KALRN: variants seen among roughly 807,000 people sequenced by gnomAD.
KALRN encodes the protein kalirin RhoGEF kinase, also known as kalirin.
Under a neutral mutation model 353.7 loss-of-function variants are expected in KALRN, and 70 were observed. The observed-to-expected ratio is 0.20, with a 90% CI of 0.16 to 0.24. The LOEUF (loss-of-function observed/expected upper bound fraction) is 0.24, where lower values mean the gene tolerates loss of function less well. KALRN is among the 10% of genes least tolerant of loss of function. The probability of loss-of-function intolerance (pLI) is 1.00; values close to 1 mark genes in which losing one functional copy is unlikely to be tolerated. For synonymous variants in KALRN, 1,391 were observed against 1,434.8 expected (o/e 0.97, Z 0.69); for missense variants, 2,791 against 3,756.7 (o/e 0.74, Z 6.72).
At chr3:124,688,310 C>CAAAAAAA (rs59265829) in intron 51 of KALRN, among the ~76,000 whole-genome samples, 2 of 83,226 alleles carry the variant, frequency 2.4e-5, no homozygotes, top group Admixed American at 1.2e-4. Flanking sequence ...GAGACCCTGT[C>CAAAAAAA]AAAAAAAAAA....
intron 34 of KALRN, among the ~76,000 whole-genome samples, chr3:124,564,631 G>A (rs529197052): frequency 3.9e-5 from 6 of 152,310 alleles, no homozygotes; most frequent in South Asian, 2.1e-4. Context: ...AGTAAACCAT[G>A]CTTGCACCAC....
intron 34 of KALRN, among the ~76,000 whole-genome samples, chr3:124,587,022 G>T (rs938019995): frequency 6.6e-6 from 1 of 152,210 alleles, no homozygotes; most frequent in Non-Finnish European, 1.5e-5. Flanking sequence ...TTGAGCCTGA[G>T]TGCATGGCCC....
At chr3:124,220,213 T>A (rs6785436) in intron 1 of KALRN, among the ~76,000 whole-genome samples, 1 of 152,124 alleles carries the variant, frequency 6.6e-6, no homozygotes, top group East Asian at 1.9e-4. Context: ...AAAGTGCTGG[T>A]ATTACAGGTG....
At chr3:124,444,821 A>AAAAG (rs796224925) in intron 19 of KALRN, among the ~76,000 whole-genome samples, 3 of 151,752 alleles carry the variant, frequency 2.0e-5, no homozygotes, top group African/African-American at 4.8e-5. Flanking sequence ...AAGAACAAGA[A>AAAAG]AAAGAAAGAA....
intron 25 of KALRN, among the ~76,000 whole-genome samples, chr3:124,465,506 T>G (rs962576658): frequency 3.3e-5 from 5 of 152,232 alleles, no homozygotes; most frequent in Non-Finnish European, 7.3e-5. Context: ...CCATTAGGTA[T>G]GATTTTTTCC....
chr3:124,304,210 G>A (rs570907256), intron 6 of KALRN, among the ~76,000 whole-genome samples: 1 of 151,866 alleles, frequency 6.6e-6, no homozygotes, highest in Admixed American at 6.6e-5. Context: ...TAGCTGCAAA[G>A]TCCCTTAGTA....
At chr3:124,149,278 A>C (rs2067767558) in intron 1 of KALRN, among the ~76,000 whole-genome samples, 1 of 152,206 alleles carries the variant, frequency 6.6e-6, no homozygotes, top group Admixed American at 6.5e-5. Context: ...GTCTGCCCAG[A>C]TGAGTCTACC....
In KALRN at chr3:124,658,506, G is replaced by T. The variant is rs769887578; in HGVS notation, c.6112G>T (p.Ala2038Ser). Residue 2038 changes from alanine to serine, a missense_variant, in exon 42 of 60, where the codon GCC becomes TCC. This residue lies in a region of KALRN where 1,065 missense variants were observed against 1,156.4 expected (regional missense o/e 0.92). Coordinates refer to ENST00000682506, the MANE Select transcript of KALRN (RefSeq NM_001388419.1). ...AGAGTACATCGTTGCTGAGTATGAC[G>T]CCTACTTTGAGGTAAGCTGTGCAGG... is the stretch of plus-strand genomic sequence containing the variant. ...RSEYIVAEYD[A>S]YFEEVKQEIN... The T allele has an allele frequency of 2.5e-6, 4 of 1,613,720 alleles. No individual in the cohort carries two copies. Among genetic ancestry groups the T allele is most frequent in the Non-Finnish European group, 3.4e-6 (4 of 1,179,636 alleles).
At position 124,657,745 on chromosome 3, in the gene KALRN, C is replaced by T. The variant is rs138911697; in HGVS notation, c.5978C>T (p.Ala1993Val). ...CTTTCTCCTTTTAGTTTTTTCCTGG[C>T]GGAACTGGAAAAGTGTATCCAGGAG... ...IYDWHKDFFL[A>V]ELEKCIQEQD... The change falls in exon 41 of 60, where the codon GCG becomes GTG. Residue 1993 changes from alanine to valine, a missense_variant. Ala to Val is a moderately conservative substitution (Grantham distance 64, BLOSUM62 0). Around this residue, in one of 11 missense-constraint regions of KALRN, gnomAD observed 1,065 missense variants for 1,156.4 expected, o/e 0.92. Transcript: ENST00000682506. The T allele has an allele frequency of 7.9e-5, 127 of 1,612,870 alleles. No homozygotes were observed. In the African/African-American group the frequency reaches 1.3e-3, roughly 17 times the overall value.
chr3:124,564,053 A>C (rs945553963), intron 34 of KALRN, among the ~76,000 whole-genome samples: 2 of 150,584 alleles, frequency 1.3e-5, no homozygotes, highest in African/African-American at 4.9e-5. Flanking sequence ...CAAAATACAA[A>C]AATTAGCCGG....
intron 6 of KALRN, among the ~76,000 whole-genome samples, chr3:124,314,813 G>A (rs1342452983): frequency 7.2e-6 from 1 of 139,530 alleles, no homozygotes; most frequent in Non-Finnish European, 1.6e-5. Flanking sequence ...ATGCCACCAT[G>A]CTGGCTAATT....
chr3:124,355,699 T>C (rs2083310120), intron 10 of KALRN, among the ~76,000 whole-genome samples: 1 of 132,290 alleles, frequency 7.6e-6, no homozygotes. Flanking sequence ...CACCCTCAAC[T>C]CTCTCCCATC....
rs1477606343 is a variant in KALRN, at chr3:124,474,678, G to A, written c.4047G>A (p.Glu1349=). The A allele has an allele frequency of 6.2e-7, 1 of 1,614,066 alleles. No homozygotes were observed. Among genetic ancestry groups the A allele is most frequent in the African/African-American group, 1.3e-5 (1 of 75,030 alleles). The stretch of plus-strand genomic sequence containing the variant: ...CCTCTTGCAGCATCTTCCTCAAAGA[G>A]CTGGAGAAGTACGAGCAACTGCCTG... The part of the protein sequence containing the change: ...YDFHNNIFLK[E]LEKYEQLPED... The change falls in exon 26 of 60, where the codon GAG becomes GAA. Residue 1349 remains glutamate, a synonymous_variant. Coordinates refer to ENST00000682506, the MANE Select transcript of KALRN (RefSeq NM_001388419.1).
intron 1 of KALRN, among the ~76,000 whole-genome samples, chr3:124,077,898 T>G (rs1185964230): frequency 6.6e-6 from 1 of 152,204 alleles, no homozygotes; most frequent in Non-Finnish European, 1.5e-5. Context: ...TTATCAACTG[T>G]GACATCATGG....
rs556444652 is a variant in KALRN at position 124,609,462 on chromosome 3, C to T, written c.5183-22958C>T. Among the ~76,000 whole-genome samples, 3 of 152,320 alleles carry T rather than the reference C, an allele frequency of 2.0e-5. No individual in the cohort carries two copies. The East Asian group carries it at 5.8e-4, about 29-fold the overall frequency. On this transcript the variant is annotated intron_variant, in intron 34 of 59. Transcript: ENST00000682506. ...CATGTGTTCATGCTTGCCAGACACA[C>T]CTATGAGTGTATACATGTATTTGCA...
At chr3:124,517,764 C>T (rs2066783849) in intron 33 of KALRN, among the ~76,000 whole-genome samples, 1 of 152,138 alleles carries the variant, frequency 6.6e-6, no homozygotes, top group South Asian at 2.1e-4. Flanking sequence ...TACAGATTGT[C>T]ACCTGTCATG....
intron 33 of KALRN, among the ~76,000 whole-genome samples, chr3:124,545,647 G>T (rs1278690629): frequency 6.6e-6 from 1 of 152,130 alleles, no homozygotes; most frequent in East Asian, 1.9e-4. Flanking sequence ...CAGAGGCCAG[G>T]GCAGGGGGTT....
intron 43 of KALRN, among the ~76,000 whole-genome samples, chr3:124,659,686 G>A (rs1420331622): frequency 6.6e-6 from 1 of 152,054 alleles, no homozygotes; most frequent in Non-Finnish European, 1.5e-5. Context: ...CTTAAGGTGG[G>A]TTGTTACTTG....
Position 124,526,400 on chromosome 3 carries a change from C to T in KALRN, c.4935+29987C>T, listed in dbSNP as rs150814541. 2.0e-3 allele frequency among the ~76,000 whole-genome samples: 304 copies of T among 152,054 alleles called. 1 individual carries two copies. Among genetic ancestry groups the T allele is most frequent in the Middle Eastern group, 6.8e-3 (2 of 294 alleles). On this transcript the variant is annotated intron_variant, in intron 33 of 59. Transcript: ENST00000682506. ...CCAGCATGGCCAATATAGCGAGACC[C>T]TATCTCTACCAAAAAAGATACAAAA...
Sources: gnomAD v4.1 joint callset for allele counts (sites outside exome capture counted in the v4.1 genomes callset) on GRCh38, gnomAD v4.1.1 for gene constraint, gnomAD v4.1.1 regional missense constraint, MANE v1.5 for transcripts, NCBI Gene and HGNC (gene_info 2026-07-23, HGNC 2026-07-21) for gene names.